Variants in SRFBP1 observed in about 807,000 individuals in gnomAD.
SRFBP1 encodes the protein serum response factor-binding protein 1.
SRFBP1 carries 47 observed loss-of-function variants against 45.5 expected under a neutral mutation model. That is an observed-to-expected ratio of 1.03 (90% confidence interval 0.82 to 1.32). The LOEUF (loss-of-function observed/expected upper bound fraction) is 1.32. SRFBP1 is among the 40% of genes most tolerant of loss of function. SRFBP1 has a pLI of 0.00. For synonymous variants in SRFBP1, 203 were observed against 166.3 expected, an observed-to-expected ratio of 1.22 and a Z score of -1.70; for missense variants, 621 against 484.6, an observed-to-expected ratio of 1.28 and a Z score of -2.64.
At chr5:122,077,116 T>G (rs1754661098), downstream of SRFBP1, 4 of 1,496,270 alleles carry the variant, frequency 2.7e-6, no homozygotes, top group Middle Eastern at 2.1e-4. The surrounding 1 kb of genome is among the most constrained non-coding windows in gnomAD (Gnocchi z 4.9). Flanking sequence ...GACTGCAGAG[T>G]GGAGCGGAGG....
intron 2 of SRFBP1, among the ~76,000 whole-genome samples, chr5:122,057,142 A>C (rs1207064904): frequency 6.6e-6 from 1 of 152,178 alleles, no homozygotes; most frequent in Non-Finnish European, 1.5e-5. Context: ...TTCTAGGTCA[A>C]AGTTTTCCCA....
chr5:122,045,294 C>T (rs1478620225), intron 2 of SRFBP1, among the ~76,000 whole-genome samples: 2 of 152,066 alleles, frequency 1.3e-5, no homozygotes, highest in African/African-American at 2.4e-5. Context: ...AGTGTGATGC[C>T]TCCGTCTTTG....
chr5:122,048,155 C>T (rs1171904245), intron 2 of SRFBP1, among the ~76,000 whole-genome samples: 2 of 152,066 alleles, frequency 1.3e-5, no homozygotes, highest in East Asian at 3.9e-4. Context: ...CAGTTTTTGC[C>T]CATTCAGTAT....
rs922864625 is a variant in SRFBP1, at chr5:122,037,283, C to T, written n.311+14876C>T. The stretch of plus-strand genomic sequence containing the variant: ...GGGAAACTGACACAAACATCATGCT[C>T]ACACTCTGCCTCTTGTTTTTGCCAT... On this transcript the variant is annotated intron_variant and non_coding_transcript_variant, in intron 2 of 2. Coordinates refer to the SRFBP1 transcript ENST00000504881. Among the ~76,000 whole-genome samples, 12 of 152,156 alleles carry T rather than the reference C, an allele frequency of 7.9e-5. No homozygotes were observed. In the South Asian group the frequency reaches 1.2e-3, roughly 16 times the overall value.
chr5:122,061,586 A>G (rs1450152001), intron 2 of SRFBP1, among the ~76,000 whole-genome samples: 4 of 151,840 alleles, frequency 2.6e-5, no homozygotes, highest in Non-Finnish European at 5.9e-5. Flanking sequence ...TTATGCAATT[A>G]TGCATAACAT....
chr5:121,980,717 G>A (rs1313549084), intron 3 of SRFBP1, among the ~76,000 whole-genome samples: 4 of 152,020 alleles, frequency 2.6e-5, no homozygotes, highest in Admixed American at 2.6e-4. Flanking sequence ...TCGAATAAGT[G>A]GTTGTTTGAA....
intron 2 of SRFBP1, among the ~76,000 whole-genome samples, chr5:122,044,912 CTT>C (rs1749189662): frequency 6.6e-6 from 1 of 152,078 alleles, no homozygotes; most frequent in Admixed American, 6.6e-5. Context: ...CTTTCAGTAT[CTT>C]TGTCATGAAA....
At chr5:121,976,132 C>T (rs572334433) in intron 3 of SRFBP1, among the ~76,000 whole-genome samples, 1 of 151,136 alleles carries the variant, frequency 6.6e-6, no homozygotes, top group Admixed American at 6.6e-5. Flanking sequence ...ATAAAACTCT[C>T]TAACTATTTT....
intron 1 of SRFBP1, among the ~76,000 whole-genome samples, chr5:121,970,544 T>A (rs896083027): frequency 1.3e-5 from 2 of 152,118 alleles, no homozygotes; most frequent in African/African-American, 4.8e-5. Context: ...GCCGTTCTTT[T>A]TTTTTTTCCT....
At chr5:122,033,805 T>A (rs1016467706) in intron 2 of SRFBP1, among the ~76,000 whole-genome samples, 2 of 151,160 alleles carry the variant, frequency 1.3e-5, no homozygotes, top group Admixed American at 1.3e-4. Flanking sequence ...ACCTTAGATA[T>A]TCTTTTATTT....
chr5:121,979,459 C>G (rs1433277390), intron 3 of SRFBP1, among the ~76,000 whole-genome samples: 1 of 152,170 alleles, frequency 6.6e-6, no homozygotes, highest in African/African-American at 2.4e-5. Context: ...TGTAAGTACA[C>G]TGTACTGTGT....
intron 2 of SRFBP1, among the ~76,000 whole-genome samples, chr5:122,052,289 C>T (rs2152578028): frequency 6.6e-6 from 1 of 152,224 alleles, no homozygotes; most frequent in South Asian, 2.1e-4. Flanking sequence ...TGAATGTTTA[C>T]CTCTCTAGAG....
At chr5:122,077,104 G>A (rs1343026995), downstream of SRFBP1, 1 of 1,519,950 alleles carries the variant, frequency 6.6e-7, no homozygotes, top group Non-Finnish European at 8.8e-7. The surrounding 1 kb of genome is among the most constrained non-coding windows in gnomAD (Gnocchi z 4.9). Context: ...TTCGCCCACC[G>A]GGACTGCAGA....
At chr5:122,047,622 A>AT in intron 2 of SRFBP1, among the ~76,000 whole-genome samples, 1 of 152,232 alleles carries the variant, frequency 6.6e-6, no homozygotes, top group African/African-American at 2.4e-5. Flanking sequence ...CATTGAATCT[A>AT]TAAATTACCT....
intron 2 of SRFBP1, 73 bp from the exon 3 acceptor site, chr5:121,975,237 ATGAAG>A: frequency 7.1e-7 from 1 of 1,416,658 alleles, no homozygotes; most frequent in Admixed American, 1.7e-5. Flanking sequence ...CTAAAAAGAA[ATGAAG>A]TGATTATCCA....
chr5:122,019,184 G>T, intron 4 of SRFBP1, 76 bp from the exon 5 acceptor site: 1 of 1,236,464 alleles, frequency 8.1e-7, no homozygotes, highest in South Asian at 1.3e-5. Flanking sequence ...GACTATGATA[G>T]ATTTTATTTT....
chr5:122,046,951 T>C (rs1389447008), intron 2 of SRFBP1, among the ~76,000 whole-genome samples: 1 of 152,212 alleles, frequency 6.6e-6, no homozygotes, highest in African/African-American at 2.4e-5. Flanking sequence ...TATTAGCCCT[T>C]TGTCAGATGA....
chr5:122,077,742 C>T (rs373294433), downstream of SRFBP1: 10 of 1,568,780 alleles, frequency 6.4e-6, no homozygotes, highest in Admixed American at 1.9e-5. The surrounding 1 kb of genome is among the most constrained non-coding windows in gnomAD (Gnocchi z 4.9). Context: ...TGGGCGGAGG[C>T]GTTGGCTGCA....
intron 2 of SRFBP1, among the ~76,000 whole-genome samples, chr5:122,055,044 C>T (rs983318137): frequency 6.6e-6 from 1 of 152,158 alleles, no homozygotes; most frequent in East Asian, 1.9e-4. Flanking sequence ...ATTGTCTTAG[C>T]CTGTTCAGGC....
Sources: allele counts gnomAD v4.1 joint callset (sites outside exome capture counted in the v4.1 genomes callset), GRCh38; gene constraint gnomAD v4.1.1; non-coding constraint Gnocchi (gnomAD v3.1); transcripts MANE v1.5; gene names NCBI Gene and HGNC (gene_info 2026-07-23, HGNC 2026-07-21).